Variants in DOK5 observed in about 807,000 individuals in gnomAD.
DOK5 encodes docking protein 5.
DOK5 carries 27 observed loss-of-function variants against 43.3 expected under a neutral mutation model. The observed-to-expected ratio is 0.62, with a 90% CI of 0.46 to 0.86. DOK5 has a LOEUF of 0.86. Ranked by LOEUF, DOK5 falls within the 40% of genes least tolerant of loss-of-function variation. The probability of loss-of-function intolerance (pLI) is 0.00; values close to 1 mark genes in which losing one functional copy is unlikely to be tolerated. For missense variants in DOK5, 373 were observed against 392.9 expected, an observed-to-expected ratio of 0.95 and a Z score of 0.43; for synonymous variants, 146 against 140.1, an observed-to-expected ratio of 1.04 and a Z score of -0.30.
At chr20:54,542,099 T>TACACACAGACAC (rs763674242) in intron 1 of DOK5, among the ~76,000 whole-genome samples, 2,996 of 122,038 alleles carry the variant, frequency 0.025, 73 homozygotes, top group East Asian at 0.093. Flanking sequence ...TATTATAAGA[T>TACACACAGACAC]ACACACACAC....
At chr20:54,572,317 C>A (rs570263513) in intron 2 of DOK5, among the ~76,000 whole-genome samples, 1 of 152,074 alleles carries the variant, frequency 6.6e-6, no homozygotes, top group Non-Finnish European at 1.5e-5. Flanking sequence ...CTCGCCACCA[C>A]GCCCGGCTAA....
rs1984053024 is a variant in DOK5, at chr20:54,539,127, A to G, written c.67-15806A>G. 2.0e-5 allele frequency among the ~76,000 whole-genome samples: 3 copies of G among 151,778 alleles called. No individual in the cohort carries two copies. In the South Asian group the frequency reaches 6.3e-4, roughly 32 times the overall value. On this transcript the variant is annotated intron_variant, in intron 1 of 7. Transcript: ENST00000262593. ...AATAGGGTGAAACGCTGTCTCTACT[A>G]AAAAATACAAAAATTAGCCAGGTGT...
chr20:54,565,316 T>G (rs781560043), intron 2 of DOK5, among the ~76,000 whole-genome samples: 1 of 152,152 alleles, frequency 6.6e-6, no homozygotes, highest in Non-Finnish European at 1.5e-5. Context: ...GTAATAAAAG[T>G]TATATGAATG....
chr20:54,596,971 C>G (rs1325544445), intron 5 of DOK5, among the ~76,000 whole-genome samples: 2 of 152,178 alleles, frequency 1.3e-5, no homozygotes. Flanking sequence ...TTACTACTCT[C>G]TGCTGTCATT....
At chr20:54,617,328 A>T (rs1469076116) in intron 6 of DOK5, among the ~76,000 whole-genome samples, 1 of 150,682 alleles carries the variant, frequency 6.6e-6, no homozygotes, top group East Asian at 2.0e-4. Context: ...TAGTCTGTCG[A>T]TTTTTTTTTC....
chr20:54,642,902 G>A (rs2146830064), intron 6 of DOK5, among the ~76,000 whole-genome samples: 1 of 152,288 alleles, frequency 6.6e-6, no homozygotes, highest in Middle Eastern at 3.4e-3. Context: ...TCTACTCACT[G>A]TCACGTGGTC....
intron 6 of DOK5, among the ~76,000 whole-genome samples, 197 bp downstream of exon 6, chr20:54,610,720 C>A (rs1986620068): frequency 6.6e-6 from 1 of 152,152 alleles, no homozygotes; most frequent in Admixed American, 6.6e-5. Flanking sequence ...CCATACATCC[C>A]CATTATCTAC....
At chr20:54,553,206 T>C (rs1366966483) in intron 1 of DOK5, among the ~76,000 whole-genome samples, 1 of 152,190 alleles carries the variant, frequency 6.6e-6, no homozygotes, top group African/African-American at 2.4e-5. Context: ...TCTATTCTTT[T>C]TCTTTTTGAG....
At chr20:54,584,782 C>A (rs1985754573) in intron 2 of DOK5, among the ~76,000 whole-genome samples, 1 of 150,566 alleles carries the variant, frequency 6.6e-6, no homozygotes, top group Non-Finnish European at 1.5e-5. Flanking sequence ...TATACACACA[C>A]ACACACACAC....
intron 2 of DOK5, among the ~76,000 whole-genome samples, chr20:54,557,127 C>A (rs890424171): frequency 6.6e-6 from 1 of 152,110 alleles, no homozygotes; most frequent in Non-Finnish European, 1.5e-5. Flanking sequence ...AATTCTTGGG[C>A]TTCTAGAGTC....
chr20:54,643,446 C>CA lies in DOK5; in HGVS notation c.736-12_736-11insA. ...TGTTGCTGACGCACAACTTTCTTCC[C>CA]TTTGGCTGCAGCTCCAGATGAAGAT... On this transcript the variant is annotated splice_polypyrimidine_tract_variant and intron_variant, in intron 6 of 7. Transcript: ENST00000262593. 6.2e-7 allele frequency: 1 copy of CA among 1,612,884 alleles called. No homozygotes were observed. Among genetic ancestry groups the CA allele is most frequent in the Non-Finnish European group, 8.5e-7 (1 of 1,179,828 alleles).
chr20:54,570,103 AT>A (rs1195309868), intron 2 of DOK5, among the ~76,000 whole-genome samples: 1 of 152,136 alleles, frequency 6.6e-6, no homozygotes. Flanking sequence ...AGCCATTGGT[AT>A]TTTTTTAGAA....
chr20:54,644,670 C>T (rs998437551), intron 7 of DOK5, among the ~76,000 whole-genome samples: 4 of 144,394 alleles, frequency 2.8e-5, no homozygotes, highest in South Asian at 2.1e-4. Flanking sequence ...AGCGCCACTG[C>T]ACTCCAGCCT....
chr20:54,648,460 G>A (rs1182993153), intron 7 of DOK5, among the ~76,000 whole-genome samples: 1 of 152,198 alleles, frequency 6.6e-6, no homozygotes, highest in African/African-American at 2.4e-5. Flanking sequence ...GGGACTTCTT[G>A]AGATGGGGTA....
intron 1 of DOK5, among the ~76,000 whole-genome samples, chr20:54,541,324 T>C (rs1289434477): frequency 1.3e-5 from 2 of 152,198 alleles, no homozygotes; most frequent in Non-Finnish European, 2.9e-5. Context: ...GACCTGCGCC[T>C]TTCCTGCCCT....
intron 1 of DOK5, among the ~76,000 whole-genome samples, chr20:54,498,523 T>C (rs1385407771): frequency 6.6e-6 from 1 of 152,174 alleles, no homozygotes; most frequent in Non-Finnish European, 1.5e-5. Flanking sequence ...GATTGAGCAA[T>C]TGGGAAGAGG....
At chr20:54,597,599 C>T (rs1020214041) in intron 5 of DOK5, among the ~76,000 whole-genome samples, 5 of 152,138 alleles carry the variant, frequency 3.3e-5, no homozygotes, top group Non-Finnish European at 7.4e-5. Flanking sequence ...GCAAGAGGTC[C>T]GAAGACACAA....
chr20:54,598,436 C>G (rs561693830), intron 5 of DOK5, among the ~76,000 whole-genome samples: 36 of 152,280 alleles, frequency 2.4e-4, no homozygotes, highest in Admixed American at 3.3e-4. Flanking sequence ...GAAGTTCTAA[C>G]TGCAGCAAAA....
At chr20:54,576,422 A>C (rs1296053767) in intron 2 of DOK5, among the ~76,000 whole-genome samples, 1 of 152,248 alleles carries the variant, frequency 6.6e-6, no homozygotes, top group Non-Finnish European at 1.5e-5. Flanking sequence ...ACACACAAAA[A>C]TATGATATTC....
Sources: allele counts gnomAD v4.1 joint callset (sites outside exome capture counted in the v4.1 genomes callset), GRCh38; gene constraint gnomAD v4.1.1; transcripts MANE v1.5; gene names NCBI Gene and HGNC (gene_info 2026-07-23, HGNC 2026-07-21).